SGCG: variants seen among roughly 807,000 people sequenced by gnomAD.
The protein encoded by SGCG is gamma-sarcoglycan.
Under a neutral mutation model 29.3 loss-of-function variants are expected in SGCG, and 26 were observed. That is an observed-to-expected ratio of 0.89 (90% confidence interval 0.65 to 1.23). The LOEUF (loss-of-function observed/expected upper bound fraction) is 1.23, where lower values mean the gene tolerates loss of function less well. Among genes scored for constraint, SGCG ranks in the 50% most tolerant of loss-of-function variants. The probability of loss-of-function intolerance (pLI) is 0.00; values close to 1 mark genes in which losing one functional copy is unlikely to be tolerated. For synonymous variants in SGCG, 145 were observed against 129.7 expected (o/e 1.12, Z -0.80); for missense variants, 353 against 356.0 (o/e 0.99, Z 0.07).
In SGCG at chr13:23,322,782, C is replaced by A. The variant is rs1194586791; in HGVS notation, c.703-1586C>A. ...CCCACCCATCCACCTCCCCCCCCCC[C>A]CCCCCCCGCCAACAGGTGTAACGTG... is the stretch of plus-strand genomic sequence containing the variant. On this transcript the variant is annotated intron_variant, in intron 7 of 7. Transcript: ENST00000218867. 7.8e-5 allele frequency among the ~76,000 whole-genome samples: 8 copies of A among 102,526 alleles called. 1 individual carries two copies. Among genetic ancestry groups the A allele is most frequent in the Admixed American group, 2.7e-4 (3 of 11,138 alleles). The allele number at this position is 102,526 out of a possible 152,430, so 67.3% of individuals were successfully genotyped here. A position where few individuals can be genotyped will look rare whatever the true frequency, so the allele number is the denominator to read the frequency against.
At chr13:23,214,496 C>T (rs560546442) in intron 2 of SGCG, among the ~76,000 whole-genome samples, 65 of 152,308 alleles carry the variant, frequency 4.3e-4, no homozygotes, top group African/African-American at 1.4e-3. Context: ...ACATCAACTT[C>T]TTTGCTCTGC....
chr13:23,226,428 C>CAAA lies in SGCG; in HGVS notation c.196-8175_196-8173dup, dbSNP rs34211778. On this transcript the variant is annotated intron_variant, in intron 2 of 7. Transcript: ENST00000218867. ...CTGTATAATATCTGTAGGCTGAGAG[C>CAAA]AAAAAAAAAACACTGATGAAAGACA... 8.7e-4 allele frequency among the ~76,000 whole-genome samples: 125 copies of CAAA among 143,258 alleles called. 2 individuals carry two copies. Among genetic ancestry groups the CAAA allele is most frequent in the African/African-American group, 2.9e-3 (112 of 38,934 alleles). 94.0% of individuals were successfully genotyped at this position (143,258 alleles called of 152,430 possible). A position where few individuals can be genotyped will look rare whatever the true frequency, so the allele number is the denominator to read the frequency against.
chr13:23,280,576 A>G (rs554165835), intron 5 of SGCG, among the ~76,000 whole-genome samples: 1 of 152,384 alleles, frequency 6.6e-6, no homozygotes, highest in South Asian at 2.1e-4. Flanking sequence ...TAATTGTCCA[A>G]CAAAGCACCT....
At chr13:23,212,113 T>C (rs1051331591) in intron 2 of SGCG, among the ~76,000 whole-genome samples, 3 of 152,048 alleles carry the variant, frequency 2.0e-5, no homozygotes, top group Non-Finnish European at 4.4e-5. Context: ...CCTTCCACCA[T>C]GATTATAAGT....
chr13:23,269,433 G>A (rs1227137050), intron 4 of SGCG, among the ~76,000 whole-genome samples: 1 of 152,136 alleles, frequency 6.6e-6, no homozygotes, highest in African/African-American at 2.4e-5. Flanking sequence ...TCAAGAAAGT[G>A]TGACTTCTTC....
At chr13:23,316,490 G>A (rs1882816264) in intron 6 of SGCG, among the ~76,000 whole-genome samples, 1 of 152,182 alleles carries the variant, frequency 6.6e-6, no homozygotes, top group African/African-American at 2.4e-5. Flanking sequence ...ACGGTGGAAT[G>A]TTCTTTTAAA....
At chr13:23,226,478 T>C (rs1878905147) in intron 2 of SGCG, among the ~76,000 whole-genome samples, 1 of 150,264 alleles carries the variant, frequency 6.7e-6, no homozygotes, top group African/African-American at 2.4e-5. Context: ...AATGGAAAAA[T>C]AGACAGTGTT....
rs181614223 is a variant in SGCG, at chr13:23,258,933, G to T, written c.385+8216G>T. 2.5e-3 allele frequency among the ~76,000 whole-genome samples: 376 copies of T among 152,234 alleles called. 1 individual carries two copies. Among genetic ancestry groups the T allele is most frequent in the Non-Finnish European group, 4.4e-3 (300 of 68,020 alleles). ...TGGTGGCTAAGCTTTTTGATGTGCT[G>T]CTGGATTTGGTTTGCCAGTATTTTA... On this transcript the variant is annotated intron_variant, in intron 4 of 7. Coordinates refer to ENST00000218867, the MANE Select transcript of SGCG (RefSeq NM_000231.3).
At chr13:23,294,575 A>T (rs1881833902) in intron 5 of SGCG, among the ~76,000 whole-genome samples, 1 of 152,178 alleles carries the variant, frequency 6.6e-6, no homozygotes, top group Non-Finnish European at 1.5e-5. Flanking sequence ...ATTCTTCCCC[A>T]TTGATGACCC....
At chr13:23,269,016 A>G (rs1434187872) in intron 4 of SGCG, 1 of 152,198 alleles carries the variant, frequency 6.6e-6, no homozygotes, top group African/African-American at 2.4e-5. Context: ...CAGTGCCCCA[A>G]ATAAAGAGAA....
At chr13:23,286,886 C>G (rs1881516903) in intron 5 of SGCG, among the ~76,000 whole-genome samples, 1 of 152,146 alleles carries the variant, frequency 6.6e-6, no homozygotes, top group Admixed American at 6.5e-5. Context: ...TTGTTTATTT[C>G]TGGAATTTTC....
chr13:23,175,141 A>C, the SGCG span, among the ~76,000 whole-genome samples: 6 of 152,196 alleles, frequency 3.9e-5, no homozygotes, highest in African/African-American at 1.4e-4. Flanking sequence ...AGAAAGGAGG[A>C]AAGTGCTGCA....
At chr13:23,232,514 G>A (rs1271354252) in intron 2 of SGCG, among the ~76,000 whole-genome samples, 1 of 152,142 alleles carries the variant, frequency 6.6e-6, no homozygotes, top group Non-Finnish European at 1.5e-5. Flanking sequence ...AGCTCAACTG[G>A]TTGAATTCAG....
At chr13:23,276,687 G>A (rs544139231) in intron 4 of SGCG, among the ~76,000 whole-genome samples, 85 of 152,240 alleles carry the variant, frequency 5.6e-4, no homozygotes, top group African/African-American at 2.0e-3. Context: ...TGCCCGCCTC[G>A]GCTTCCCAAA....
intron 4 of SGCG, among the ~76,000 whole-genome samples, chr13:23,266,323 T>C (rs991988195): frequency 6.6e-6 from 1 of 152,042 alleles, no homozygotes; most frequent in Admixed American, 6.6e-5. Flanking sequence ...TATGTAATTG[T>C]GGTGTGTGGA....
intron 2 of SGCG, among the ~76,000 whole-genome samples, chr13:23,222,489 A>AC (rs1405908286): frequency 7.9e-6 from 1 of 127,260 alleles, no homozygotes; most frequent in Non-Finnish European, 1.7e-5. Flanking sequence ...TTCAATCAGC[A>AC]CTTTTTTTTA....
chr13:23,210,264 A>T (rs1417215782), intron 2 of SGCG, among the ~76,000 whole-genome samples: 1 of 152,242 alleles, frequency 6.6e-6, no homozygotes, highest in Non-Finnish European at 1.5e-5. Context: ...TCTTTGATGC[A>T]TTAATATGAG....
upstream of SGCG, among the ~76,000 whole-genome samples, chr13:23,176,264 A>T (rs1279221574): frequency 6.6e-6 from 1 of 152,152 alleles, no homozygotes. Flanking sequence ...AGTTTAGTTC[A>T]TTGACGGCTC....
chr13:23,321,082 T>A (rs557514197), intron 7 of SGCG, among the ~76,000 whole-genome samples: 1 of 152,266 alleles, frequency 6.6e-6, no homozygotes, highest in Non-Finnish European at 1.5e-5. Flanking sequence ...AATGTCCATT[T>A]TGCCATTTCC....
Sources: gnomAD v4.1 joint callset for allele counts (sites outside exome capture counted in the v4.1 genomes callset) on GRCh38, gnomAD v4.1.1 for gene constraint, MANE v1.5 for transcripts, NCBI Gene and HGNC (gene_info 2026-07-23, HGNC 2026-07-21) for gene names.